KIF1B: variants seen among roughly 807,000 people sequenced by gnomAD.
KIF1B encodes kinesin-like protein KIF1B.
Under a neutral mutation model 241.9 loss-of-function variants are expected in KIF1B, and 76 were observed. The observed-to-expected ratio is 0.31, with a 90% CI of 0.26 to 0.38. The LOEUF (loss-of-function observed/expected upper bound fraction) is 0.38. Among genes scored for constraint, KIF1B ranks in the 10% least tolerant of loss-of-function variants. The pLI is 1.00. For missense variants in KIF1B, 1,622 were observed against 2,271.4 expected (o/e 0.71, Z 5.81); for synonymous variants, 750 against 796.7 (o/e 0.94, Z 0.99).
chr1:10,361,247 C>T lies in KIF1B; in HGVS notation c.4170+204C>T, dbSNP rs889830976. Among the ~76,000 whole-genome samples, 4 of 152,242 alleles carry T rather than the reference C, an allele frequency of 2.6e-5. No homozygotes were observed. In the East Asian group the frequency reaches 7.7e-4, roughly 29 times the overall value. On this transcript the variant is annotated intron_variant, in intron 39 of 48. Transcript: ENST00000676179. ...TGGGTTCTGTTTACTCAAAAAATCACATGACTCATTGCAGCTTCAGCTTTA... is the reference window on the plus strand; with the variant it reads ...TGGGTTCTGTTTACTCAAAAAATCATATGACTCATTGCAGCTTCAGCTTTA...
chr1:10,343,011 C>T (rs913560547), intron 33 of KIF1B, among the ~76,000 whole-genome samples: 4 of 152,158 alleles, frequency 2.6e-5, no homozygotes, highest in African/African-American at 4.8e-5. Context: ...GAGATAGGCA[C>T]GTGGAAGTCA....
At chr1:10,351,769 C>T (rs1557731184) in intron 37 of KIF1B, among the ~76,000 whole-genome samples, 1 of 152,024 alleles carries the variant, frequency 6.6e-6, no homozygotes, top group Non-Finnish European at 1.5e-5. Flanking sequence ...AGTTCGAGAC[C>T]AGCCTGAGCG....
intron 1 of KIF1B, among the ~76,000 whole-genome samples, chr1:10,228,045 C>T (rs1014398249): frequency 2.0e-5 from 3 of 149,132 alleles, no homozygotes; most frequent in Admixed American, 1.4e-4. Flanking sequence ...ATTACCCGGG[C>T]GTGCTGGTGG....
chr1:10,250,466 G>A (rs1647376340), intron 2 of KIF1B, among the ~76,000 whole-genome samples: 1 of 151,836 alleles, frequency 6.6e-6, no homozygotes, highest in South Asian at 2.1e-4. Flanking sequence ...AGCCTCCCAA[G>A]TAGCTGGGGT....
intron 22 of KIF1B, among the ~76,000 whole-genome samples, chr1:10,316,445 A>G (rs1651309221): frequency 6.6e-6 from 1 of 151,488 alleles, no homozygotes; most frequent in South Asian, 2.1e-4. Flanking sequence ...TCGTATGCAT[A>G]TCCTGTTTCC....
intron 38 of KIF1B, 135 bp from the exon 39 acceptor site, chr1:10,360,794 G>A: frequency 1.4e-6 from 1 of 725,194 alleles, no homozygotes; most frequent in South Asian, 1.5e-5. Context: ...GTTCCTCTCT[G>A]TTATTAGAGT....
chr1:10,331,789 A>G (rs1407944601), intron 27 of KIF1B, among the ~76,000 whole-genome samples: 1 of 152,234 alleles, frequency 6.6e-6, no homozygotes, highest in East Asian at 1.9e-4. Context: ...GACTGGAATC[A>G]TAGTAGGAAC....
chr1:10,308,190 G>T, intron 22 of KIF1B: 5 of 1,062,184 alleles, frequency 4.7e-6, no homozygotes, highest in Non-Finnish European at 5.7e-6. Flanking sequence ...GGGAGGCGGG[G>T]ATGCTGCCTG....
chr1:10,336,349 A>C (rs1384488679), intron 28 of KIF1B, among the ~76,000 whole-genome samples: 1 of 152,112 alleles, frequency 6.6e-6, no homozygotes, highest in Non-Finnish European at 1.5e-5. Context: ...GGGTTTCACC[A>C]TGTTGGTCAG....
At chr1:10,348,096 C>T (rs1025754932) in intron 36 of KIF1B, among the ~76,000 whole-genome samples, 2 of 152,068 alleles carry the variant, frequency 1.3e-5, no homozygotes, top group African/African-American at 4.8e-5. Flanking sequence ...ATTTGTGTAG[C>T]TCCTATGTCA....
chr1:10,276,951 T>A (rs1424595800), intron 12 of KIF1B, among the ~76,000 whole-genome samples: 2 of 151,976 alleles, frequency 1.3e-5, no homozygotes, highest in African/African-American at 2.4e-5. Context: ...CGTGGTGCCA[T>A]GCACCTGTAA....
At chr1:10,224,704 G>T (rs559397838) in intron 1 of KIF1B, among the ~76,000 whole-genome samples, 1 of 151,860 alleles carries the variant, frequency 6.6e-6, no homozygotes. Context: ...GATTATAGGC[G>T]TGAGGAACCA....
chr1:10,344,600 G>A (rs1458226739), intron 34 of KIF1B, among the ~76,000 whole-genome samples: 1 of 152,086 alleles, frequency 6.6e-6, no homozygotes, highest in East Asian at 1.9e-4. Context: ...AATACTTCTG[G>A]TTTTGCTTTC....
chr1:10,287,507 A>G (rs1266739041), intron 15 of KIF1B, among the ~76,000 whole-genome samples: 1 of 152,152 alleles, frequency 6.6e-6, no homozygotes, highest in African/African-American at 2.4e-5. Flanking sequence ...AGTTGTGCTA[A>G]TGTGACTCAC....
rs1344256110 is a variant in KIF1B, at chr1:10,326,071, C to G, written c.2676-40C>G. The G allele has an allele frequency of 1.2e-6, 2 of 1,612,662 alleles. No homozygotes were observed. Among genetic ancestry groups the G allele is most frequent in the Non-Finnish European group, 1.7e-6 (2 of 1,179,938 alleles). On this transcript the variant is annotated intron_variant, in intron 26 of 48. Transcript: ENST00000676179. This position sits in a 1 kb window ranked among gnomAD's most constrained non-coding sequence, Gnocchi z 5.2. ...TTCCTGTTTAACCAACTATTCCTCT[C>G]TCCCTGGCTGTGTTAATTGGCGTCT...
rs111663673 is a variant in KIF1B, at chr1:10,376,834, A to AACACACAC, written c.*273_*280dup. The AACACACAC allele has an allele frequency of 1.8e-4, 80 of 442,598 alleles. No individual in the cohort carries two copies. Among genetic ancestry groups the AACACACAC allele is most frequent in the African/African-American group, 1.0e-3 (51 of 48,918 alleles). 27.4% of individuals were successfully genotyped at this position (442,598 alleles called of 1,614,324 possible). A position where few individuals can be genotyped will look rare whatever the true frequency, so the allele number is the denominator to read the frequency against. On this transcript the variant is annotated 3_prime_UTR_variant, in exon 49 of 49. Transcript: ENST00000676179. ...CTAACAAAAGGAAAAAATGTTTTTA[A>AACACACAC]ACACACACACACACACACACACACA...
chr1:10,256,878 A>T (rs1159059133), intron 3 of KIF1B, among the ~76,000 whole-genome samples: 1 of 151,630 alleles, frequency 6.6e-6, no homozygotes, highest in Non-Finnish European at 1.5e-5. Flanking sequence ...TGCCCAGCTA[A>T]TTTTTGTATT....
chr1:10,220,143 G>A (rs1646822120), intron 1 of KIF1B, among the ~76,000 whole-genome samples: 1 of 151,348 alleles, frequency 6.6e-6, no homozygotes, highest in African/African-American at 2.4e-5. Context: ...TGGAGGTTAC[G>A]GTGAGCCGAG....
At chr1:10,329,675 G>C (rs903576932) in intron 27 of KIF1B, among the ~76,000 whole-genome samples, 3 of 152,182 alleles carry the variant, frequency 2.0e-5, no homozygotes. Context: ...GGAGGTTGCA[G>C]TGAGCCGAGA....
Sources: gnomAD v4.1 joint callset for allele counts (sites outside exome capture counted in the v4.1 genomes callset) on GRCh38, gnomAD v4.1.1 for gene constraint, Gnocchi (gnomAD v3.1) non-coding constraint, MANE v1.5 for transcripts, NCBI Gene and HGNC (gene_info 2026-07-23, HGNC 2026-07-21) for gene names.